USP33: variants seen among roughly 807,000 people sequenced by gnomAD.
USP33 encodes the protein ubiquitin carboxyl-terminal hydrolase 33.
A neutral mutation model predicts 124.2 loss-of-function variants in USP33; 46 were observed. The ratio of observed to expected loss-of-function variants is 0.37; its 90% CI spans 0.29 to 0.47. The LOEUF is 0.47. USP33 is among the 20% of genes least tolerant of loss of function. USP33 has a pLI of 0.99. For synonymous variants in USP33, 350 were observed against 352.3 expected, an observed-to-expected ratio of 0.99 and a Z score of 0.07; for missense variants, 851 against 1,070.6, an observed-to-expected ratio of 0.79 and a Z score of 2.86.
At chr1:77,729,600 G>A (rs1039008931) in intron 9 of USP33, among the ~76,000 whole-genome samples, 1 of 152,062 alleles carries the variant, frequency 6.6e-6, no homozygotes, top group East Asian at 1.9e-4. Flanking sequence ...GAATTCGGGA[G>A]GTGGAGGTTG....
In USP33 at chr1:77,723,324, TA is replaced by T; in HGVS notation, c.1389+6del. Reference sequence around the variant, plus strand: ...TTTTCTGTGTATTCTAATACCCTCATACTCACCCTGTCACAAGTCAGACACT... The same window carrying T: ...TTTTCTGTGTATTCTAATACCCTCATCTCACCCTGTCACAAGTCAGACACT... On this transcript the variant is annotated splice_donor_region_variant and intron_variant, in intron 12 of 23. Transcript: ENST00000370794. The T allele has an allele frequency of 6.3e-7, 1 of 1,583,758 alleles. No individual in the cohort carries two copies. The highest frequency in any genetic ancestry group is 8.7e-7 in the Non-Finnish European group (1 of 1,154,386).
chr1:77,706,653 C>G (rs1000066820), intron 21 of USP33, among the ~76,000 whole-genome samples: 2 of 152,158 alleles, frequency 1.3e-5, no homozygotes, highest in African/African-American at 4.8e-5. Context: ...CTGATCTTAC[C>G]ATGCGCTATC....
At chr1:77,743,239 C>CT (rs1448388626) in intron 1 of USP33, among the ~76,000 whole-genome samples, 4 of 152,138 alleles carry the variant, frequency 2.6e-5, no homozygotes, top group African/African-American at 9.7e-5. Flanking sequence ...GCCACTGCGC[C>CT]TGGCCTCTGT....
intron 19 of USP33, 83 bp downstream of exon 19, chr1:77,714,518 GGAAATAAGTGGGA>G: frequency 7.9e-7 from 1 of 1,265,842 alleles, no homozygotes. Flanking sequence ...TGGGGAAATG[GGAAATAAGTGGGA>G]GAGGAAAATT....
chr1:77,740,182 A>G (rs1442152845), intron 4 of USP33, among the ~76,000 whole-genome samples: 1 of 152,208 alleles, frequency 6.6e-6, no homozygotes, highest in Non-Finnish European at 1.5e-5. Flanking sequence ...AAACAACCAG[A>G]GCAAAGCAGA....
At chr1:77,703,621 C>G (rs1674284044) in intron 21 of USP33, among the ~76,000 whole-genome samples, 1 of 152,194 alleles carries the variant, frequency 6.6e-6, no homozygotes, top group African/African-American at 2.4e-5. Flanking sequence ...AAGACTCCAT[C>G]TCAAAAGTAA....
chr1:77,743,167 A>G (rs760287807), intron 1 of USP33, among the ~76,000 whole-genome samples: 4 of 150,426 alleles, frequency 2.7e-5, no homozygotes, highest in Non-Finnish European at 4.4e-5. Flanking sequence ...CTGATCTCGA[A>G]CTCCCGACCT....
In USP33 at chr1:77,718,601, G is replaced by A. The variant is rs1229877781; in HGVS notation, c.1732C>T (p.Pro578Ser). Reference protein sequence around the residue: ...GVKFCKVQNFPEILCIHLKRF... With the variant: ...GVKFCKVQNFSEILCIHLKRF... Reference sequence around the variant, plus strand: ...AATTAAAATAATGCCCATACCTCAGGAAAGTTTTGTACTTTACAAAACTTC... The same window carrying A: ...AATTAAAATAATGCCCATACCTCAGAAAAGTTTTGTACTTTACAAAACTTC... Residue 578 changes from proline to serine, a missense_variant, in exon 16 of 24, where the codon CCT becomes TCT. Transcript: ENST00000370794. 3.7e-6 allele frequency: 6 copies of A among 1,605,348 alleles called. No individual in the cohort carries two copies. The highest frequency in any genetic ancestry group is 3.3e-5 in the South Asian group (3 of 90,050).
chr1:77,747,856 T>C (rs1180287252), intron 1 of USP33, among the ~76,000 whole-genome samples: 1 of 152,218 alleles, frequency 6.6e-6, no homozygotes, highest in Non-Finnish European at 1.5e-5. Flanking sequence ...GCACCACTTA[T>C]TAAATAATCT....
intron 14 of USP33, chr1:77,721,513 G>C: frequency 4.0e-6 from 2 of 503,152 alleles, no homozygotes; most frequent in Non-Finnish European, 7.0e-6. Context: ...TAAATGATAT[G>C]GAGTAGTTCA....
At chr1:77,741,885 C>A in intron 1 of USP33, 137 bp from the exon 2 acceptor site, 1 of 858,834 alleles carries the variant, frequency 1.2e-6, no homozygotes, top group East Asian at 3.2e-5. Flanking sequence ...TAAGTTTGCC[C>A]TGTAAAAAGA....
chr1:77,748,779 TCCCC>T, intron 1 of USP33, among the ~76,000 whole-genome samples: 1 of 47,640 alleles, frequency 2.1e-5, no homozygotes, highest in East Asian at 5.6e-4. Flanking sequence ...ATTCCTTCCC[TCCCC>T]CCCCCCCCCG....
chr1:77,751,290 G>A (rs189234613), intron 1 of USP33, among the ~76,000 whole-genome samples: 3 of 152,242 alleles, frequency 2.0e-5, no homozygotes, highest in East Asian at 3.9e-4. Flanking sequence ...AGATGAAAAC[G>A]ACTGCACTCA....
intron 22 of USP33, 76 bp downstream of exon 22, chr1:77,701,293 C>A: frequency 2.0e-6 from 2 of 1,019,812 alleles, no homozygotes; most frequent in East Asian, 2.4e-5. Flanking sequence ...CAAGTGCACA[C>A]AGATATTCAA....
chr1:77,715,227 G>C (rs909779579), intron 18 of USP33, among the ~76,000 whole-genome samples: 3 of 150,312 alleles, frequency 2.0e-5, no homozygotes, highest in African/African-American at 4.9e-5. Flanking sequence ...TTTTTTTTCA[G>C]ATGGCGTCTC....
chr1:77,758,613 T>C (rs960789820), intron 1 of USP33, among the ~76,000 whole-genome samples: 54 of 152,318 alleles, frequency 3.5e-4, no homozygotes, highest in African/African-American at 1.3e-3. Flanking sequence ...ATAGTATGAA[T>C]TCACTAACAA....
chr1:77,738,479 C>CA (rs1177218996), intron 5 of USP33, among the ~76,000 whole-genome samples: 1 of 151,668 alleles, frequency 6.6e-6, no homozygotes, highest in African/African-American at 2.4e-5. Flanking sequence ...GGAGAAAAAT[C>CA]TTTTTTTCTT....
rs58750531 is a variant in USP33, at chr1:77,702,141, CAAAAAAAAAAAAAAAA to C, written c.2407-686_2407-671del. Among the ~76,000 whole-genome samples, 29 of 15,784 alleles carry C rather than the reference CAAAAAAAAAAAAAAAA, an allele frequency of 1.8e-3. 1 individual carries two copies. The highest frequency in any genetic ancestry group is 7.3e-3 in the Admixed American group (5 of 682). 10.4% of individuals were successfully genotyped at this position (15,784 alleles called of 152,430 possible). On this transcript the variant is annotated intron_variant, in intron 21 of 23. Transcript: ENST00000370794. Reference sequence around the variant, plus strand: ...TGGGTGACAGAACAAGACCCTGTCTCAAAAAAAAAAAAAAAAAAAAAAAAAAAAAAAAAAAACCAGT... The same window carrying C: ...TGGGTGACAGAACAAGACCCTGTCTCAAAAAAAAAAAAAAAAAAAACCAGT...
Position 77,759,629 on chromosome 1 carries a change from A to G in USP33, c.-52+14T>C, listed in dbSNP as rs888350940. 5.5e-5 allele frequency: 22 copies of G among 398,524 alleles called. No individual in the cohort carries two copies. The highest frequency in any genetic ancestry group is 8.8e-5 in the Non-Finnish European group (20 of 226,178). The allele number at this position is 398,524 out of a possible 1,614,324, so 24.7% of individuals were successfully genotyped here. A position where few individuals can be genotyped will look rare whatever the true frequency, so the allele number is the denominator to read the frequency against. On this transcript the variant is annotated intron_variant, in intron 1 of 23. Transcript: ENST00000370794. ...CCTTGGGCCCCGCGCCCCTCCCAGCAGCGCCGCGCTCACCTCCACGGCCTG... is the reference window on the plus strand; with the variant it reads ...CCTTGGGCCCCGCGCCCCTCCCAGCGGCGCCGCGCTCACCTCCACGGCCTG...
Sources: allele counts gnomAD v4.1 joint callset (sites outside exome capture counted in the v4.1 genomes callset), GRCh38; gene constraint gnomAD v4.1.1; transcripts MANE v1.5; gene names NCBI Gene and HGNC (gene_info 2026-07-23, HGNC 2026-07-21).